STXBP5L: variants seen among roughly 807,000 people sequenced by gnomAD.
The protein encoded by STXBP5L is syntaxin binding protein 5L.
In STXBP5L, 65 loss-of-function variants were observed where a neutral mutation model predicts 144.5. That is an observed-to-expected ratio of 0.45 (90% CI 0.37 to 0.55). The LOEUF is 0.55. Ranked by LOEUF, STXBP5L falls within the 20% of genes least tolerant of loss-of-function variation. STXBP5L has a pLI of 0.00. For missense variants in STXBP5L, 1,298 were observed against 1,405.5 expected (o/e 0.92, Z 1.22); for synonymous variants, 505 against 469.6 (o/e 1.08, Z -0.97).
chr3:121,123,046 T>C (rs943226740), intron 7 of STXBP5L, among the ~76,000 whole-genome samples: 4 of 151,510 alleles, frequency 2.6e-5, no homozygotes, highest in Non-Finnish European at 5.9e-5. Flanking sequence ...AAAAAGATGA[T>C]TTTAAGAGTT....
intron 5 of STXBP5L, among the ~76,000 whole-genome samples, chr3:121,086,381 T>A (rs1009759112): frequency 6.6e-6 from 1 of 152,124 alleles, no homozygotes; most frequent in Non-Finnish European, 1.5e-5. Flanking sequence ...TAAAAGAGGA[T>A]AATGAAGCTG....
At chr3:121,399,045 AG>A (rs2046805903) in intron 22 of STXBP5L, among the ~76,000 whole-genome samples, 1 of 152,200 alleles carries the variant, frequency 6.6e-6, no homozygotes, top group Admixed American at 6.5e-5. Flanking sequence ...AATAATAATG[AG>A]GGGGTGCAGA....
At chr3:120,934,603 C>T (rs866407467) in intron 2 of STXBP5L, among the ~76,000 whole-genome samples, 3 of 151,950 alleles carry the variant, frequency 2.0e-5, no homozygotes, top group South Asian at 2.1e-4. Flanking sequence ...AAGTCTCCAA[C>T]GATTATAGTG....
intron 3 of STXBP5L, among the ~76,000 whole-genome samples, chr3:120,959,421 C>G (rs1363437202): frequency 6.6e-6 from 1 of 152,058 alleles, no homozygotes; most frequent in Non-Finnish European, 1.5e-5. Context: ...CATATGGAAC[C>G]AAAAAAGATC....
At chr3:121,061,835 A>G (rs551008572) in intron 5 of STXBP5L, among the ~76,000 whole-genome samples, 1 of 152,072 alleles carries the variant, frequency 6.6e-6, no homozygotes, top group African/African-American at 2.4e-5. Flanking sequence ...ATGTTCCTCC[A>G]TCCCTTTATT....
At position 121,105,395 on chromosome 3, in the gene STXBP5L, AAAATAAATAAAT is replaced by A. The variant is rs573583424; in HGVS notation, c.471-9514_471-9503del. Among the ~76,000 whole-genome samples the A allele has an allele frequency of 5.3e-5, 8 of 149,844 alleles. No homozygotes were observed. In the South Asian group the frequency reaches 8.5e-4, roughly 16 times the overall value. Reference sequence around the variant, plus strand: ...TGGCAACAGAGTGAGACTCTGTCTCAAAATAAATAAATAAATAAATAAATAAAAAGATGTACA... The same window carrying A: ...TGGCAACAGAGTGAGACTCTGTCTCAAAATAAATAAATAAAAAGATGTACA... On this transcript the variant is annotated intron_variant, in intron 5 of 26. Transcript: ENST00000471454.
chr3:121,054,331 G>A (rs760186541), intron 5 of STXBP5L, among the ~76,000 whole-genome samples: 3 of 152,020 alleles, frequency 2.0e-5, no homozygotes, highest in Non-Finnish European at 4.4e-5. Context: ...GCAAAGACTT[G>A]GAACCAACCC....
chr3:121,222,985 A>G lies in STXBP5L; in HGVS notation c.957-18A>G. ...TTTAAAGGACTTCTGAGTCTCATTC[A>G]TGTTTTTTCCTATGTAGCGAACCAT... On this transcript the variant is annotated intron_variant, in intron 10 of 26. Coordinates refer to ENST00000471454, the MANE Select transcript of STXBP5L (RefSeq NM_001308330.2). The G allele has an allele frequency of 6.3e-7, 1 of 1,584,406 alleles. No homozygotes were observed.
At chr3:121,392,853 C>A (rs1313083951) in intron 22 of STXBP5L, among the ~76,000 whole-genome samples, 1 of 146,738 alleles carries the variant, frequency 6.8e-6, no homozygotes, top group Non-Finnish European at 1.5e-5. Context: ...TTAGGTTTAT[C>A]CCATGACTTT....
At chr3:121,195,167 G>A (rs375093120) in intron 9 of STXBP5L, among the ~76,000 whole-genome samples, 1 of 151,720 alleles carries the variant, frequency 6.6e-6, no homozygotes, top group African/African-American at 2.4e-5. Flanking sequence ...CTCGTGATCT[G>A]CCCACCTCGG....
At chr3:121,216,561 G>C (rs150582144) in intron 10 of STXBP5L, among the ~76,000 whole-genome samples, 1 of 152,148 alleles carries the variant, frequency 6.6e-6, no homozygotes, top group Non-Finnish European at 1.5e-5. Flanking sequence ...TGGAAGCTTC[G>C]TCTTAGAGGG....
At chr3:120,992,186 CTG>C (rs1166735214) in intron 3 of STXBP5L, among the ~76,000 whole-genome samples, 1 of 151,870 alleles carries the variant, frequency 6.6e-6, no homozygotes, top group Non-Finnish European at 1.5e-5. Flanking sequence ...TAATATTTCT[CTG>C]TATTTATGGA....
intron 9 of STXBP5L, among the ~76,000 whole-genome samples, chr3:121,179,598 C>T (rs929955125): frequency 6.6e-6 from 1 of 152,086 alleles, no homozygotes; most frequent in African/African-American, 2.4e-5. Context: ...AATCTCTGAA[C>T]TGCCAGATAA....
intron 22 of STXBP5L, among the ~76,000 whole-genome samples, chr3:121,387,678 T>C (rs555839390): frequency 1.3e-5 from 2 of 152,260 alleles, no homozygotes; most frequent in Non-Finnish European, 1.5e-5. Flanking sequence ...TCCCCATTTC[T>C]TGTTTTTGTC....
At chr3:121,223,610 C>G (rs1454777743) in intron 11 of STXBP5L, among the ~76,000 whole-genome samples, 2 of 152,062 alleles carry the variant, frequency 1.3e-5, no homozygotes, top group Non-Finnish European at 2.9e-5. Context: ...AACTGCAGCA[C>G]CTCTGATTAC....
intron 3 of STXBP5L, among the ~76,000 whole-genome samples, chr3:120,983,689 G>A (rs896679552): frequency 6.6e-6 from 1 of 152,110 alleles, no homozygotes; most frequent in Non-Finnish European, 1.5e-5. Flanking sequence ...TTATAGGAGT[G>A]TGGAGCCCTA....
At chr3:121,048,750 A>G (rs1947706367) in intron 5 of STXBP5L, among the ~76,000 whole-genome samples, 1 of 151,516 alleles carries the variant, frequency 6.6e-6, no homozygotes, top group Non-Finnish European at 1.5e-5. Context: ...CAGTGGCACA[A>G]TCTTGGCTCA....
chr3:121,267,298 C>T (rs991072851), intron 18 of STXBP5L, among the ~76,000 whole-genome samples: 1 of 152,154 alleles, frequency 6.6e-6, no homozygotes, highest in African/African-American at 2.4e-5. Context: ...CTGACGAAAA[C>T]AAGCAATGGT....
intron 19 of STXBP5L, among the ~76,000 whole-genome samples, chr3:121,286,728 A>G (rs2051244814): frequency 2.6e-5 from 4 of 152,174 alleles, no homozygotes; most frequent in Admixed American, 2.0e-4. Context: ...TAGAGTAGCA[A>G]GTACCAGATT....
Sources: gnomAD v4.1 joint callset for allele counts (sites outside exome capture counted in the v4.1 genomes callset) on GRCh38, gnomAD v4.1.1 for gene constraint, MANE v1.5 for transcripts, NCBI Gene and HGNC (gene_info 2026-07-23, HGNC 2026-07-21) for gene names.